The following PRKG1 variants were observed in gnomAD, a reference collection of about 807,000 sequenced individuals.
The protein encoded by PRKG1 is protein kinase cGMP-dependent 1.
Under a neutral mutation model 88.1 loss-of-function variants are expected in PRKG1, and 35 were observed. That is an observed-to-expected ratio of 0.40 (90% CI 0.30 to 0.53). The LOEUF is 0.53. Among genes scored for constraint, PRKG1 ranks in the 20% least tolerant of loss-of-function variants. The pLI is 0.59. For missense variants in PRKG1, 540 were observed against 839.8 expected (o/e 0.64, Z 4.41); for synonymous variants, 303 against 292.5 (o/e 1.04, Z -0.37).
intron 2 of PRKG1, among the ~76,000 whole-genome samples, chr10:51,194,960 C>T (rs557353289): frequency 6.6e-6 from 1 of 152,162 alleles, no homozygotes; most frequent in South Asian, 2.1e-4. Flanking sequence ...GGCCTAATAA[C>T]CTCTTAAAAG....
chr10:51,280,124 C>T (rs1270886270), intron 2 of PRKG1, among the ~76,000 whole-genome samples: 4 of 152,190 alleles, frequency 2.6e-5, no homozygotes, highest in African/African-American at 9.7e-5. Flanking sequence ...ATTTCTCCTT[C>T]ACTTATGAAG....
intron 2 of PRKG1, among the ~76,000 whole-genome samples, chr10:51,370,508 G>GTA (rs1201903521): frequency 1.7e-5 from 2 of 115,290 alleles, no homozygotes; most frequent in Non-Finnish European, 3.8e-5. Flanking sequence ...GTGTGTGTGT[G>GTA]TGTATGTGTG....
In PRKG1 at chr10:51,292,526, G is replaced by T. The variant is rs891023288; in HGVS notation, c.478+139196G>T. Among the ~76,000 whole-genome samples the T allele has an allele frequency of 1.6e-4, 24 of 152,140 alleles. No homozygotes were observed. The East Asian group carries it at 4.2e-3, about 27-fold the overall frequency. On this transcript the variant is annotated intron_variant, in intron 2 of 17. Coordinates refer to ENST00000373980, the MANE Select transcript of PRKG1 (RefSeq NM_006258.4). ...AGAGTACAAAATACCTTTGAATCTTGTTCAATATTAAGTCATGTTTATTTT... is the reference window on the plus strand; with the variant it reads ...AGAGTACAAAATACCTTTGAATCTTTTTCAATATTAAGTCATGTTTATTTT...
At chr10:52,143,890 A>T (rs1310783540) in intron 8 of PRKG1, among the ~76,000 whole-genome samples, 3 of 152,228 alleles carry the variant, frequency 2.0e-5, no homozygotes, top group Admixed American at 6.5e-5. Context: ...TCTGGGATCC[A>T]GAGATATAAA....
chr10:51,615,552 G>A (rs1839027442), intron 3 of PRKG1, among the ~76,000 whole-genome samples: 1 of 149,442 alleles, frequency 6.7e-6, no homozygotes, highest in Non-Finnish European at 1.5e-5. Flanking sequence ...TTCAAAAGAT[G>A]CGTCTTTACA....
At chr10:51,106,665 G>A (rs961421982) in intron 1 of PRKG1, among the ~76,000 whole-genome samples, 3 of 152,130 alleles carry the variant, frequency 2.0e-5, no homozygotes, top group African/African-American at 7.2e-5. Context: ...CCAGATTGAA[G>A]GCCTTTTTAC....
intron 3 of PRKG1, among the ~76,000 whole-genome samples, chr10:51,483,196 A>G (rs913517599): frequency 6.6e-6 from 1 of 151,548 alleles, no homozygotes; most frequent in Non-Finnish European, 1.5e-5. Flanking sequence ...AATTTTTTGT[A>G]TTTTTAGTAG....
intron 9 of PRKG1, among the ~76,000 whole-genome samples, chr10:52,204,523 AG>A (rs940299869): frequency 6.6e-6 from 1 of 152,198 alleles, no homozygotes; most frequent in African/African-American, 2.4e-5. Context: ...GACATTTATT[AG>A]TACCCCAAAT....
At chr10:52,259,927 C>A (rs918666333) in intron 10 of PRKG1, among the ~76,000 whole-genome samples, 1 of 152,050 alleles carries the variant, frequency 6.6e-6, no homozygotes, top group Non-Finnish European at 1.5e-5. Flanking sequence ...ATCTGAAACA[C>A]AAGATAAATG....
At chr10:50,994,401 A>ATTTTTTTT (rs562018970) in intron 1 of PRKG1, among the ~76,000 whole-genome samples, 2 of 87,642 alleles carry the variant, frequency 2.3e-5, no homozygotes, top group African/African-American at 4.7e-5. Context: ...CTCACCTGTA[A>ATTTTTTTT]TTTTTTTTTT....
intron 3 of PRKG1, among the ~76,000 whole-genome samples, chr10:51,483,145 C>A (rs535012605): frequency 2.6e-5 from 4 of 151,848 alleles, no homozygotes; most frequent in Non-Finnish European, 5.9e-5. Flanking sequence ...GTCAGCCTCC[C>A]GAGTAGCTGG....
At chr10:51,223,448 G>C (rs933018393) in intron 2 of PRKG1, among the ~76,000 whole-genome samples, 1 of 152,108 alleles carries the variant, frequency 6.6e-6, no homozygotes, top group South Asian at 2.1e-4. Context: ...GGCCATATGT[G>C]TTCTTGTTTA....
chr10:51,746,500 T>G (rs528765653), intron 3 of PRKG1, among the ~76,000 whole-genome samples: 2 of 152,036 alleles, frequency 1.3e-5, no homozygotes, highest in Admixed American at 1.3e-4. Context: ...GGCGGGCAGA[T>G]TGCTTTAGGT....
At chr10:51,595,178 C>A (rs904165261) in intron 3 of PRKG1, among the ~76,000 whole-genome samples, 3 of 152,096 alleles carry the variant, frequency 2.0e-5, no homozygotes, top group Non-Finnish European at 2.9e-5. Context: ...GAGATCCCAT[C>A]TCTACAAAAA....
chr10:51,288,047 G>C (rs891661611), intron 2 of PRKG1, among the ~76,000 whole-genome samples: 1 of 151,846 alleles, frequency 6.6e-6, no homozygotes, highest in Admixed American at 6.6e-5. Flanking sequence ...TTCTTCATCT[G>C]TTCTTTTTTA....
chr10:51,225,268 A>G (rs1316421008), intron 2 of PRKG1, among the ~76,000 whole-genome samples: 2 of 152,112 alleles, frequency 1.3e-5, no homozygotes, highest in African/African-American at 2.4e-5. Flanking sequence ...GCTCTCTTTT[A>G]TAAGGGCCCT....
chr10:51,823,473 G>A (rs919851799), intron 4 of PRKG1, among the ~76,000 whole-genome samples: 5 of 151,654 alleles, frequency 3.3e-5, no homozygotes, highest in Admixed American at 2.6e-4. Context: ...CATGAACCAC[G>A]GGGCTTCCAA....
chr10:51,466,211 A>C (rs1050384841), intron 2 of PRKG1, among the ~76,000 whole-genome samples: 8 of 152,164 alleles, frequency 5.3e-5, no homozygotes, highest in African/African-American at 1.7e-4. Flanking sequence ...CATGGGAACT[A>C]TCTGAAGCTT....
At chr10:51,101,893 TA>T (rs879736306) in intron 1 of PRKG1, among the ~76,000 whole-genome samples, 3 of 152,174 alleles carry the variant, frequency 2.0e-5, no homozygotes, top group Non-Finnish European at 2.9e-5. Context: ...ATGAATTGAT[TA>T]AAATGTGTTT....
Sources: gnomAD v4.1 joint callset for allele counts (sites outside exome capture counted in the v4.1 genomes callset) on GRCh38, gnomAD v4.1.1 for gene constraint, MANE v1.5 for transcripts, NCBI Gene and HGNC (gene_info 2026-07-23, HGNC 2026-07-21) for gene names.